The following ABTB3 variants were observed in gnomAD, a reference collection of about 807,000 sequenced individuals.
ABTB3 encodes ankyrin repeat and BTB domain containing 3.
the ABTB3 span, among the ~76,000 whole-genome samples, chr12:107,359,432 T>A: frequency 2.6e-5 from 4 of 152,214 alleles, no homozygotes; most frequent in Non-Finnish European, 5.9e-5. Context: ...CTCTGGGTAC[T>A]CCAAGAACAC....
the ABTB3 span, among the ~76,000 whole-genome samples, chr12:107,557,075 A>T: frequency 1.3e-5 from 2 of 152,214 alleles, no homozygotes; most frequent in African/African-American, 4.8e-5. Context: ...TTTGAGAAAC[A>T]TGTTAATCTC....
At chr12:107,617,044 A>G in the ABTB3 span, 1 of 1,584,128 alleles carries the variant, frequency 6.3e-7, no homozygotes. Flanking sequence ...ACCTGTGCAC[A>G]GTGTATCTCC....
At chr12:107,646,338 G>C in the ABTB3 span, among the ~76,000 whole-genome samples, 1 of 152,250 alleles carries the variant, frequency 6.6e-6, no homozygotes, top group East Asian at 1.9e-4. Flanking sequence ...CTAAGGAGCA[G>C]CGTTTCAAGT....
At chr12:107,334,929 A>G in the ABTB3 span, among the ~76,000 whole-genome samples, 1 of 152,008 alleles carries the variant, frequency 6.6e-6, no homozygotes, top group Non-Finnish European at 1.5e-5. Context: ...CTCCCATTGT[A>G]CCCCCAAACT....
chr12:107,522,995 C>A, the ABTB3 span, among the ~76,000 whole-genome samples: 1 of 152,094 alleles, frequency 6.6e-6, no homozygotes, highest in Non-Finnish European at 1.5e-5. Context: ...TACTTATGAT[C>A]CAATTGATTA....
chr12:107,330,986 A>G, the ABTB3 span, among the ~76,000 whole-genome samples: 9 of 152,174 alleles, frequency 5.9e-5, no homozygotes, highest in African/African-American at 1.7e-4. Context: ...AGGAGGGGTA[A>G]GTGAAATCTT....
the ABTB3 span, among the ~76,000 whole-genome samples, chr12:107,540,596 A>G: frequency 1.3e-5 from 2 of 152,204 alleles, no homozygotes; most frequent in Admixed American, 1.3e-4. Flanking sequence ...CACTGAGCTC[A>G]GTGGATCGTA....
At chr12:107,470,576 T>A in the ABTB3 span, among the ~76,000 whole-genome samples, 1 of 152,316 alleles carries the variant, frequency 6.6e-6, no homozygotes, top group East Asian at 1.9e-4. Flanking sequence ...GGAACCAGCA[T>A]GGACCCTTCA....
At chr12:107,500,107 T>A in the ABTB3 span, among the ~76,000 whole-genome samples, 1 of 152,154 alleles carries the variant, frequency 6.6e-6, no homozygotes, top group East Asian at 1.9e-4. Context: ...CATGCGGCGA[T>A]TACAATTTGA....
chr12:107,375,422 A>AATCATCATCATCATCATAATCATC, the ABTB3 span, among the ~76,000 whole-genome samples: 26 of 148,268 alleles, frequency 1.8e-4, no homozygotes, highest in Non-Finnish European at 3.3e-4. Flanking sequence ...TGGTGTCAGA[A>AATCATCATCATCATCATAATCATC]ATCATCATCA....
chr12:107,446,014 C>T, the ABTB3 span, among the ~76,000 whole-genome samples: 4 of 151,910 alleles, frequency 2.6e-5, no homozygotes, highest in Non-Finnish European at 4.4e-5. Context: ...CCCATCTCAA[C>T]GTTCTCAACC....
chr12:107,474,451 T>C, the ABTB3 span, among the ~76,000 whole-genome samples: 3 of 152,178 alleles, frequency 2.0e-5, no homozygotes, highest in African/African-American at 7.2e-5. Flanking sequence ...TCTTTCCGAA[T>C]GATTAAAAGC....
chr12:107,439,825 C>T, the ABTB3 span, among the ~76,000 whole-genome samples: 4 of 152,184 alleles, frequency 2.6e-5, no homozygotes, highest in Non-Finnish European at 5.9e-5. Flanking sequence ...CCTCCCACTT[C>T]CTTCATTATT....
chr12:107,517,189 A>G, the ABTB3 span, among the ~76,000 whole-genome samples: 1 of 151,958 alleles, frequency 6.6e-6, no homozygotes, highest in African/African-American at 2.4e-5. Flanking sequence ...GATGTGTGGT[A>G]TTATTTCTGA....
the ABTB3 span, among the ~76,000 whole-genome samples, chr12:107,562,068 G>A: frequency 6.6e-6 from 1 of 152,134 alleles, no homozygotes; most frequent in African/African-American, 2.4e-5. Context: ...AGTTCACTGG[G>A]TACTGGGACC....
chr12:107,578,007 TA>T, the ABTB3 span, among the ~76,000 whole-genome samples: 130 of 146,794 alleles, frequency 8.9e-4, no homozygotes, highest in East Asian at 5.5e-3. Context: ...ATTGTTCTCT[TA>T]AAAAAAAAAA....
the ABTB3 span, among the ~76,000 whole-genome samples, chr12:107,471,206 G>A: frequency 5.3e-5 from 8 of 152,170 alleles, no homozygotes; most frequent in African/African-American, 1.9e-4. Context: ...GTTCTCACCA[G>A]GACTCTATAA....
At chr12:107,403,154 A>G in the ABTB3 span, among the ~76,000 whole-genome samples, 19 of 152,198 alleles carry the variant, frequency 1.2e-4, no homozygotes, top group African/African-American at 4.1e-4. Flanking sequence ...GATCACGTAT[A>G]TCAGTGAATC....
the ABTB3 span, among the ~76,000 whole-genome samples, chr12:107,336,276 G>A: frequency 1.3e-5 from 2 of 152,214 alleles, no homozygotes; most frequent in Non-Finnish European, 2.9e-5. Context: ...AAACGCTGAC[G>A]TGAGCAAATG....
Sources: gnomAD v4.1 joint callset for allele counts (sites outside exome capture counted in the v4.1 genomes callset) on GRCh38, gnomAD v4.1.1 for gene constraint, MANE v1.5 for transcripts, NCBI Gene and HGNC (gene_info 2026-07-23, HGNC 2026-07-21) for gene names.